LHFPL3: variants seen among roughly 807,000 people sequenced by gnomAD.
LHFPL3 encodes the protein LHFPL tetraspan subfamily member 3.
LHFPL3 carries 5 observed loss-of-function variants against 19.3 expected under a neutral mutation model. That is an observed-to-expected ratio of 0.26 (90% CI 0.14 to 0.54). The LOEUF is 0.54. Among genes scored for constraint, LHFPL3 ranks in the 20% least tolerant of loss-of-function variants. LHFPL3 has a pLI of 0.94. For synonymous variants in LHFPL3, 133 were observed against 126.2 expected (o/e 1.05, Z -0.36); for missense variants, 249 against 307.4 (o/e 0.81, Z 1.42).
intron 1 of LHFPL3, among the ~76,000 whole-genome samples, chr7:104,483,577 T>A (rs1392834185): frequency 1.3e-5 from 2 of 152,122 alleles, no homozygotes; most frequent in African/African-American, 2.4e-5. Context: ...TTCCTTCAAG[T>A]GATGTAGTAA....
intron 1 of LHFPL3, among the ~76,000 whole-genome samples, chr7:104,671,999 A>G (rs1343326791): frequency 1.3e-5 from 2 of 152,094 alleles, no homozygotes; most frequent in Non-Finnish European, 2.9e-5. Context: ...AGCAAGTAGG[A>G]GAAGGTTTAT....
intron 1 of LHFPL3, among the ~76,000 whole-genome samples, chr7:104,646,256 C>T (rs927985460): frequency 2.6e-5 from 4 of 152,180 alleles, no homozygotes; most frequent in African/African-American, 7.2e-5. Context: ...TCAGCTATTC[C>T]GTTGACAAAC....
At chr7:104,434,565 C>G (rs1006450074) in intron 1 of LHFPL3, among the ~76,000 whole-genome samples, 4 of 152,188 alleles carry the variant, frequency 2.6e-5, no homozygotes, top group Non-Finnish European at 5.9e-5. Flanking sequence ...CAAGATCAAT[C>G]AGTATCCCAG....
intron 2 of LHFPL3, among the ~76,000 whole-genome samples, chr7:104,816,097 A>T (rs905911114): frequency 6.6e-6 from 1 of 152,154 alleles, no homozygotes; most frequent in Admixed American, 6.5e-5. Flanking sequence ...CTTCATTATG[A>T]GTTCAAGATG....
At chr7:104,784,748 C>T (rs1789877393) in intron 2 of LHFPL3, among the ~76,000 whole-genome samples, 1 of 152,174 alleles carries the variant, frequency 6.6e-6, no homozygotes, top group Non-Finnish European at 1.5e-5. Context: ...TGTCATATGA[C>T]TTTCATGTCA....
intron 1 of LHFPL3, among the ~76,000 whole-genome samples, chr7:104,482,389 A>G (rs1793154663): frequency 6.6e-6 from 1 of 152,160 alleles, no homozygotes; most frequent in African/African-American, 2.4e-5. Flanking sequence ...ACTTTTCCTT[A>G]TTAAGGGGTC....
At chr7:104,883,885 T>A (rs752183588) in intron 2 of LHFPL3, among the ~76,000 whole-genome samples, 1 of 152,118 alleles carries the variant, frequency 6.6e-6, no homozygotes, top group Non-Finnish European at 1.5e-5. Flanking sequence ...GAGGAAAGCG[T>A]GGGCCTCTGA....
intron 1 of LHFPL3, among the ~76,000 whole-genome samples, chr7:104,540,180 C>T (rs1794457901): frequency 6.6e-6 from 1 of 151,990 alleles, no homozygotes; most frequent in South Asian, 2.1e-4. Context: ...AAATTATACG[C>T]TGTGATAGGA....
Position 104,335,291 on chromosome 7 carries a change from T to C in LHFPL3, c.445+6067T>C, listed in dbSNP as rs543958818. 3.9e-5 allele frequency among the ~76,000 whole-genome samples: 6 copies of C among 152,352 alleles called. No individual in the cohort carries two copies. In the East Asian group the frequency reaches 1.2e-3, roughly 29 times the overall value. On this transcript the variant is annotated intron_variant, in intron 1 of 2. Coordinates refer to ENST00000424859, the MANE Select transcript of LHFPL3 (RefSeq NM_199000.3). ...GAGAGGCTTTTCCTCTATCAGAGCA[T>C]TTCAAATCTTCTCCCATGTGTAGAG...
At chr7:104,644,287 A>C (rs1430338718) in intron 1 of LHFPL3, among the ~76,000 whole-genome samples, 1 of 152,152 alleles carries the variant, frequency 6.6e-6, no homozygotes, top group African/African-American at 2.4e-5. Context: ...CCCCCTCCAC[A>C]TCCTCTTTCC....
intron 1 of LHFPL3, among the ~76,000 whole-genome samples, chr7:104,417,664 A>G (rs1445653595): frequency 6.6e-6 from 1 of 152,184 alleles, no homozygotes; most frequent in Non-Finnish European, 1.5e-5. Context: ...ATATCTAAGA[A>G]AACAATCCTT....
chr7:104,780,631 C>T (rs1277261647), intron 2 of LHFPL3, among the ~76,000 whole-genome samples: 3 of 152,146 alleles, frequency 2.0e-5, no homozygotes, highest in Non-Finnish European at 4.4e-5. Context: ...CACTTACAAC[C>T]GCCCACCCTT....
At chr7:104,746,298 C>A (rs138545917) in intron 2 of LHFPL3, among the ~76,000 whole-genome samples, 3 of 151,860 alleles carry the variant, frequency 2.0e-5, no homozygotes, top group East Asian at 3.8e-4. Context: ...GGAAATAGAG[C>A]GAGACTCCAT....
intron 2 of LHFPL3, among the ~76,000 whole-genome samples, chr7:104,842,303 T>C (rs912772075): frequency 8.3e-5 from 1 of 11,978 alleles, no homozygotes; most frequent in Non-Finnish European, 1.9e-4. Flanking sequence ...GGTGGGGGGG[T>C]GGGGGGAGGC....
intron 2 of LHFPL3, among the ~76,000 whole-genome samples, chr7:104,833,007 T>TATATAATATATATATTATATATA: frequency 1.2e-5 from 1 of 81,744 alleles, no homozygotes; most frequent in Non-Finnish European, 2.3e-5. Flanking sequence ...ATATTATATA[T>TATATAATATATATATTATATATA]ATATATTATA....
intron 2 of LHFPL3, among the ~76,000 whole-genome samples, chr7:104,739,399 A>G (rs535939211): frequency 1.1e-4 from 17 of 152,350 alleles, no homozygotes; most frequent in African/African-American, 4.1e-4. Context: ...AGTAGTGTTC[A>G]GGTGCATGTA....
At chr7:104,420,490 G>GA (rs1391235577) in intron 1 of LHFPL3, among the ~76,000 whole-genome samples, 7 of 151,628 alleles carry the variant, frequency 4.6e-5, no homozygotes, top group Admixed American at 4.6e-4. Context: ...AGAGGAAGGT[G>GA]AAAATGGAAG....
intron 1 of LHFPL3, among the ~76,000 whole-genome samples, chr7:104,607,160 G>T (rs555528216): frequency 6.6e-5 from 10 of 152,334 alleles, no homozygotes; most frequent in African/African-American, 2.2e-4. Flanking sequence ...AGGCAGTTTA[G>T]CTTTGGGAAG....
intron 1 of LHFPL3, among the ~76,000 whole-genome samples, chr7:104,591,894 C>T (rs986465864): frequency 1.3e-5 from 2 of 152,176 alleles, no homozygotes; most frequent in African/African-American, 4.8e-5. Flanking sequence ...CCCTTTCTTC[C>T]ACTTGATCAA....
Sources: allele counts gnomAD v4.1 joint callset (sites outside exome capture counted in the v4.1 genomes callset), GRCh38; gene constraint gnomAD v4.1.1; transcripts MANE v1.5; gene names NCBI Gene and HGNC (gene_info 2026-07-23, HGNC 2026-07-21).